Variants in EPG5 observed in about 807,000 individuals in gnomAD.
EPG5 encodes ectopic P-granules 5 autophagy tethering factor.
Under a neutral mutation model 302.7 loss-of-function variants are expected in EPG5, and 159 were observed. That is an observed-to-expected ratio of 0.53 (90% CI 0.46 to 0.60). The LOEUF (loss-of-function observed/expected upper bound fraction) is 0.60, where lower values mean the gene tolerates loss of function less well. Among genes scored for constraint, EPG5 ranks in the 20% least tolerant of loss-of-function variants. The probability of loss-of-function intolerance (pLI) is 0.00; values close to 1 mark genes in which losing one functional copy is unlikely to be tolerated. For synonymous variants in EPG5, 1,158 were observed against 1,136.8 expected, an observed-to-expected ratio of 1.02 and a Z score of -0.37; for missense variants, 2,896 against 3,092.4, an observed-to-expected ratio of 0.94 and a Z score of 1.51.
intron 8 of EPG5, 123 bp from the exon 9 acceptor site, chr18:45,943,434 T>A (rs2050714512): frequency 1.3e-6 from 1 of 747,350 alleles, no homozygotes; most frequent in African/African-American, 1.8e-5. Context: ...GACAGTCTCA[T>A]TACTCTGGCT....
rs1283557669 is a variant in EPG5, at chr18:45,925,827, C to A, written c.2629G>T (p.Asp877Tyr). 1 of 1,586,064 alleles carries A rather than the reference C, an allele frequency of 6.3e-7. No homozygotes were observed. The highest frequency in any genetic ancestry group is 8.6e-7 in the Non-Finnish European group (1 of 1,168,320). Residue 877 changes from aspartate to tyrosine, a missense_variant, in exon 14 of 44, where the codon GAT becomes TAT. This residue lies in a region of EPG5 where 1,390 missense variants were observed against 1,430.0 expected (regional missense o/e 0.97). Coordinates refer to ENST00000282041, the MANE Select transcript of EPG5 (RefSeq NM_020964.3). ...GTCAGGTTGTAATTCAATAACCAAT[C>A]CCGAATCACCGCTATCTCAGATGCA... ...PSASEIAVIR[D>Y]WLLNYNLTVV...
Position 45,878,362 on chromosome 18 carries a change from A to T in EPG5, c.5942+14T>A. The T allele has an allele frequency of 6.4e-7, 1 of 1,568,278 alleles. No homozygotes were observed. The highest frequency in any genetic ancestry group is 8.8e-7 in the Non-Finnish European group (1 of 1,139,436). On this transcript the variant is annotated intron_variant, in intron 34 of 43. Transcript: ENST00000282041. ...AAACGTCAAAGGAATTTGAATATCT[A>T]AAAAACTGTTTACCTTTCGTTGTCC...
chr18:45,831,640 A>G, the EPG5 span, among the ~76,000 whole-genome samples: 1 of 152,250 alleles, frequency 6.6e-6, no homozygotes, highest in Non-Finnish European at 1.5e-5. Flanking sequence ...GAATAAATGA[A>G]GAAATTCCAG....
chr18:45,916,490 A>T lies in EPG5; in HGVS notation c.3332T>A (p.Leu1111Gln). 6 of 1,613,812 alleles carry T rather than the reference A, an allele frequency of 3.7e-6. No homozygotes were observed. The highest frequency in any genetic ancestry group is 5.1e-6 in the Non-Finnish European group (6 of 1,179,736). The change falls in exon 18 of 44, where the codon CTG becomes CAG. Residue 1111 changes from leucine to glutamine, a missense_variant. Physicochemically the swap from Leu to Gln is moderately radical, Grantham distance 113. This residue lies in a region of EPG5 where 1,390 missense variants were observed against 1,430.0 expected (regional missense o/e 0.97). Coordinates refer to ENST00000282041, the MANE Select transcript of EPG5 (RefSeq NM_020964.3). ...QQVTHKVAQHLTGASHGDNVK... is the reference protein window; with the variant it reads ...QQVTHKVAQHQTGASHGDNVK... ...GTTGTCCCCATGGCTGGCTCCTGTC[A>T]GGTGCTGTGCCACCTTGTGGGTGAC...
chr18:45,930,563 T>C (rs2050376492), intron 12 of EPG5, 113 bp downstream of exon 12: 1 of 784,924 alleles, frequency 1.3e-6, no homozygotes, highest in Non-Finnish European at 2.0e-6. Flanking sequence ...CTCTGAAGTG[T>C]AGACAGTAGC....
Position 45,922,479 on chromosome 18 carries a change from T to C in EPG5, c.2960A>G (p.Asn987Ser), listed in dbSNP as rs1253995415. 2.5e-6 allele frequency: 4 copies of C among 1,614,086 alleles called. No individual in the cohort carries two copies. Among genetic ancestry groups the C allele is most frequent in the Non-Finnish European group, 1.7e-6 (2 of 1,180,054 alleles). The change falls in exon 16 of 44, where the codon AAT (asparagine) becomes AGT (serine). Residue 987 changes from asparagine (N) to serine (S), a missense_variant. Transcript: ENST00000282041. ...GACGGAGAAGGGAACAGCTGGACAA[T>C]TCGGCTGTATTCCATAATCGTTTTT... The part of the protein sequence containing the change: ...LHKNDYGIQP[N>S]CPAVPFSVTV...
At chr18:45,944,455 A>G (rs1022718270) in intron 7 of EPG5, among the ~76,000 whole-genome samples, 1 of 152,178 alleles carries the variant, frequency 6.6e-6, no homozygotes, top group Non-Finnish European at 1.5e-5. Context: ...GATAACATCA[A>G]TTAAAGAACC....
chr18:45,812,436 C>A, the EPG5 span, among the ~76,000 whole-genome samples: 1 of 152,206 alleles, frequency 6.6e-6, no homozygotes, highest in African/African-American at 2.4e-5. Flanking sequence ...TCATATGGAA[C>A]CAAAAAAAGG....
At chr18:45,935,055 A>T in intron 10 of EPG5, 89 bp from the exon 11 acceptor site, 2 of 1,328,568 alleles carry the variant, frequency 1.5e-6, no homozygotes, top group South Asian at 3.0e-5. Context: ...GGAAAAAAAG[A>T]TTCTTAAATC....
chr18:45,880,140 C>A lies in EPG5; in HGVS notation c.5602G>T (p.Gly1868Trp), dbSNP rs762207905. ...ACGGCGCCCTCGGTGGACGCTGCCCCCTGCTGGCAGCTGGGGGCGCAGCAG... is the reference window on the plus strand; with the variant it reads ...ACGGCGCCCTCGGTGGACGCTGCCCACTGCTGGCAGCTGGGGGCGCAGCAG... ...LGCCAPSCQQ[G>W]AASTEGAVLP... is the part of the protein sequence containing the mutation. The change falls in exon 32 of 44, where the codon GGG (glycine) becomes TGG (tryptophan). Residue 1868 changes from glycine (G) to tryptophan (W), a missense_variant. Transcript: ENST00000282041. 170 of 1,611,506 alleles carry A rather than the reference C, an allele frequency of 1.1e-4. No homozygotes were observed. Among genetic ancestry groups the A allele is most frequent in the Non-Finnish European group, 1.3e-4 (159 of 1,178,514 alleles).
At chr18:45,814,838 T>G in the EPG5 span, among the ~76,000 whole-genome samples, 1 of 152,242 alleles carries the variant, frequency 6.6e-6, no homozygotes, top group Non-Finnish European at 1.5e-5. Flanking sequence ...CATGGGTCAA[T>G]GCTCAAATAC....
Position 45,910,696 on chromosome 18 carries a change from C to A in EPG5, c.4030G>T (p.Ala1344Ser). ...ATTTCTTTCAACAAATTGATATGAG[C>A]AGGACTTTGAAAAAACCTTCTTCCA... is the stretch of plus-strand genomic sequence containing the variant. ...CIGRRFFQSPAHINLLKEMKR... is the reference protein window; with the variant it reads ...CIGRRFFQSPSHINLLKEMKR... The change falls in exon 23 of 44, where the codon GCT becomes TCT. Residue 1344 changes from alanine (A) to serine (S), a missense_variant. Physicochemically the swap from Ala to Ser is moderately conservative, Grantham distance 99. This residue lies in a region of EPG5 where 790 missense variants were observed against 798.0 expected (regional missense o/e 0.99). Transcript: ENST00000282041. 2 of 1,614,112 alleles carry A rather than the reference C, an allele frequency of 1.2e-6. No homozygotes were observed. The highest frequency in any genetic ancestry group is 1.7e-6 in the Non-Finnish European group (2 of 1,180,002).
chr18:45,882,257 T>A lies in EPG5; in HGVS notation c.5518+17A>T. On this transcript the variant is annotated intron_variant, in intron 31 of 43. Transcript: ENST00000282041. ...TCACTAAGATCTAGTTAGTTACAAT[T>A]AAATGAAGACACTTACTTTGCATAA... 6.3e-7 allele frequency: 1 copy of A among 1,587,954 alleles called. No homozygotes were observed. Among genetic ancestry groups the A allele is most frequent in the Non-Finnish European group, 8.6e-7 (1 of 1,156,896 alleles).
intron 23 of EPG5, among the ~76,000 whole-genome samples, chr18:45,909,255 C>A (rs957025792): frequency 6.6e-6 from 1 of 152,122 alleles, no homozygotes; most frequent in Non-Finnish European, 1.5e-5. Context: ...AAATAGATGG[C>A]CACTTTATGA....
chr18:45,927,593 TACACACACACACAC>T (rs67488772), intron 13 of EPG5, among the ~76,000 whole-genome samples: 6 of 133,424 alleles, frequency 4.5e-5, no homozygotes, highest in African/African-American at 8.9e-5. Context: ...CAAAAAGTTA[TACACACACACACAC>T]ACACACACAC....
chr18:45,839,237 G>T, the EPG5 span: 5 of 1,188,630 alleles, frequency 4.2e-6, no homozygotes, highest in East Asian at 6.5e-5. Flanking sequence ...TCCTCTCTTT[G>T]CATGAAGCCC....
At chr18:45,822,735 C>T in the EPG5 span, among the ~76,000 whole-genome samples, 3 of 152,070 alleles carry the variant, frequency 2.0e-5, no homozygotes, top group Admixed American at 2.0e-4. Flanking sequence ...AAAAGAATAT[C>T]TATTAAATAT....
chr18:45,857,843 G>A lies in EPG5; in HGVS notation c.7442+10C>T, dbSNP rs756868817. ...TTTAGAACAACAGTGTTAGAAAGGC[G>A]CTTCCTTACCTGTTAGACAAAGGCG... On this transcript the variant is annotated intron_variant, in intron 42 of 43. Coordinates refer to ENST00000282041, the MANE Select transcript of EPG5 (RefSeq NM_020964.3). The A allele has an allele frequency of 9.9e-6, 16 of 1,610,124 alleles. No individual in the cohort carries two copies. Among genetic ancestry groups the A allele is most frequent in the East Asian group, 6.7e-5 (3 of 44,850 alleles).
At chr18:45,805,561 T>TA in the EPG5 span, among the ~76,000 whole-genome samples, 100 of 150,096 alleles carry the variant, frequency 6.7e-4, no homozygotes, top group Admixed American at 3.0e-3. Context: ...TCCAATTAGC[T>TA]AAAAAAAAAG....
Sources: allele counts gnomAD v4.1 joint callset (sites outside exome capture counted in the v4.1 genomes callset), GRCh38; gene constraint gnomAD v4.1.1; regional missense constraint gnomAD v4.1.1; transcripts MANE v1.5; gene names NCBI Gene and HGNC (gene_info 2026-07-23, HGNC 2026-07-21).